The following RANBP2 variants were observed in gnomAD, a reference collection of about 807,000 sequenced individuals.
RANBP2 encodes the protein E3 SUMO-protein ligase RanBP2.
RANBP2 carries 57 observed loss-of-function variants against 303.6 expected under a neutral mutation model. The observed-to-expected ratio is 0.19, with a 90% CI of 0.15 to 0.23. The LOEUF (loss-of-function observed/expected upper bound fraction) is 0.23, where lower values mean the gene tolerates loss of function less well. Among genes scored for constraint, RANBP2 ranks in the 10% least tolerant of loss-of-function variants. The pLI, the probability that RANBP2 is intolerant of heterozygous loss-of-function variation, is 1.00. For missense variants in RANBP2, 3,138 were observed against 3,780.8 expected, an observed-to-expected ratio of 0.83 and a Z score of 4.46; for synonymous variants, 1,167 against 1,301.5, an observed-to-expected ratio of 0.90 and a Z score of 2.23.
chr2:109,197,497 G>A, the RANBP2 span, among the ~76,000 whole-genome samples: 1 of 151,624 alleles, frequency 6.6e-6, no homozygotes, highest in East Asian at 1.9e-4. Context: ...GACCCTATTT[G>A]TGAAGGCTAC....
the RANBP2 span, among the ~76,000 whole-genome samples, chr2:109,708,597 G>A: frequency 0.14 from 21,751 of 152,090 alleles, 1,998 homozygotes; most frequent in East Asian, 0.3. Flanking sequence ...GTTGTAGTGA[G>A]CCAAGATTGT....
the RANBP2 span, among the ~76,000 whole-genome samples, chr2:108,795,057 A>AC: frequency 7.9e-5 from 12 of 151,470 alleles, no homozygotes; most frequent in South Asian, 1.9e-3. Flanking sequence ...TTAAGTACTT[A>AC]TATATAAAAA....
the RANBP2 span, among the ~76,000 whole-genome samples, chr2:109,078,242 AGCGTGTATATATATATATATAGC>A: frequency 9.7e-5 from 3 of 30,972 alleles, no homozygotes; most frequent in African/African-American, 2.8e-4. Context: ...ATATATATAT[AGCGTGTATATATATATATATAGC>A]GCGTATATAT....
chr2:109,516,160 G>A, the RANBP2 span, among the ~76,000 whole-genome samples: 1 of 152,164 alleles, frequency 6.6e-6, no homozygotes, highest in Admixed American at 6.5e-5. Context: ...ACACCCTTGA[G>A]TGGGCTGCTG....
the RANBP2 span, among the ~76,000 whole-genome samples, chr2:109,117,473 T>C: frequency 6.6e-6 from 1 of 152,232 alleles, no homozygotes; most frequent in African/African-American, 2.4e-5. Flanking sequence ...GTGCCGTTTT[T>C]TAAGCCCGTC....
chr2:108,999,143 G>A, the RANBP2 span, among the ~76,000 whole-genome samples: 5 of 152,308 alleles, frequency 3.3e-5, no homozygotes, highest in Admixed American at 2.6e-4. Flanking sequence ...GTGCCGACAA[G>A]CTGCATTCTC....
chr2:109,221,056 A>G, the RANBP2 span, among the ~76,000 whole-genome samples: 1 of 152,250 alleles, frequency 6.6e-6, no homozygotes, highest in Non-Finnish European at 1.5e-5. Context: ...TACACAGTTG[A>G]GGAATATTCA....
chr2:108,793,327 C>A, the RANBP2 span, among the ~76,000 whole-genome samples: 8 of 151,906 alleles, frequency 5.3e-5, no homozygotes, highest in Admixed American at 3.9e-4. Flanking sequence ...AGTGAGACTC[C>A]GTCTCAAAAA....
the RANBP2 span, among the ~76,000 whole-genome samples, chr2:109,492,515 C>T: frequency 1.3e-5 from 2 of 152,176 alleles, no homozygotes; most frequent in Non-Finnish European, 2.9e-5. Flanking sequence ...ATTCCGGCTA[C>T]GCATGCCCAG....
At chr2:109,532,021 A>G in the RANBP2 span, among the ~76,000 whole-genome samples, 1 of 152,256 alleles carries the variant, frequency 6.6e-6, no homozygotes, top group African/African-American at 2.4e-5. Flanking sequence ...AGTTGCCTAC[A>G]TGGGTGGACA....
chr2:109,047,020 C>A, the RANBP2 span, among the ~76,000 whole-genome samples: 1 of 152,136 alleles, frequency 6.6e-6, no homozygotes, highest in Non-Finnish European at 1.5e-5. Context: ...CCCTGCAGTG[C>A]CAGAGACTGG....
chr2:109,327,522 G>A, the RANBP2 span, among the ~76,000 whole-genome samples: 10 of 152,076 alleles, frequency 6.6e-5, no homozygotes, highest in East Asian at 3.8e-4. Context: ...TGAAAATCCC[G>A]TCGAGATTTA....
the RANBP2 span, among the ~76,000 whole-genome samples, chr2:109,407,571 T>C: frequency 1.3e-5 from 2 of 152,314 alleles, no homozygotes; most frequent in Non-Finnish European, 2.9e-5. Context: ...GCCCCCAGAC[T>C]TACTGCTTAT....
At chr2:108,748,649 C>G (rs1675578673) in intron 8 of RANBP2, among the ~76,000 whole-genome samples, 1 of 152,146 alleles carries the variant, frequency 6.6e-6, no homozygotes, top group South Asian at 2.1e-4. Context: ...ACCTTTTCAT[C>G]TGAAATGCAA....
chr2:108,930,603 C>T, the RANBP2 span, among the ~76,000 whole-genome samples: 2 of 152,108 alleles, frequency 1.3e-5, no homozygotes, highest in Admixed American at 1.3e-4. Flanking sequence ...CTCAGAACAC[C>T]GGCGTGTCCA....
the RANBP2 span, among the ~76,000 whole-genome samples, chr2:109,425,759 G>A: frequency 1.3e-5 from 2 of 152,228 alleles, no homozygotes; most frequent in Non-Finnish European, 2.9e-5. Flanking sequence ...TTATTCAAGA[G>A]CTCTGATGGA....
the RANBP2 span, among the ~76,000 whole-genome samples, chr2:109,511,425 G>A: frequency 6.6e-6 from 1 of 152,200 alleles, no homozygotes; most frequent in African/African-American, 2.4e-5. Flanking sequence ...AAGTTCTCCC[G>A]CAATCCAGTG....
At chr2:109,653,018 A>C in the RANBP2 span, among the ~76,000 whole-genome samples, 1 of 152,182 alleles carries the variant, frequency 6.6e-6, no homozygotes, top group Non-Finnish European at 1.5e-5. Context: ...GTGTTTACTA[A>C]GGCAGCTTCT....
At chr2:109,498,963 G>A in the RANBP2 span, among the ~76,000 whole-genome samples, 238 of 152,334 alleles carry the variant, frequency 1.6e-3, 1 homozygote, top group African/African-American at 5.3e-3. Flanking sequence ...TGGTGGAGTG[G>A]GAAGGGCGCA....
Sources: gnomAD v4.1 joint callset for allele counts (sites outside exome capture counted in the v4.1 genomes callset) on GRCh38, gnomAD v4.1.1 for gene constraint, MANE v1.5 for transcripts, NCBI Gene and HGNC (gene_info 2026-07-23, HGNC 2026-07-21) for gene names.